Variants in IL1RAPL2 observed in about 807,000 individuals in gnomAD.
The protein encoded by IL1RAPL2 is X-linked interleukin-1 receptor accessory protein-like 2.
Under a neutral mutation model 44.1 loss-of-function variants are expected in IL1RAPL2, and 3 were observed. That is an observed-to-expected ratio of 0.07 (90% CI 0.03 to 0.18). The LOEUF (loss-of-function observed/expected upper bound fraction) is 0.18, where lower values mean the gene tolerates loss of function less well. Among genes scored for constraint, IL1RAPL2 ranks in the 10% least tolerant of loss-of-function variants. IL1RAPL2 has a pLI of 1.00. For synonymous variants in IL1RAPL2, 181 were observed against 178.8 expected (o/e 1.01, Z -0.10); for missense variants, 391 against 496.4 (o/e 0.79, Z 2.02).
intron 2 of IL1RAPL2, among the ~76,000 whole-genome samples, chrX:105,003,433 A>G (rs2030887370): frequency 9.0e-6 from 1 of 111,614 alleles, no homozygotes; most frequent in Non-Finnish European, 1.9e-5. Flanking sequence ...TTGGTTTTAC[A>G]GGTGAACACA....
chrX:105,502,824 C>T (rs2036405272), intron 6 of IL1RAPL2, among the ~76,000 whole-genome samples: 2 of 109,484 alleles, frequency 1.8e-5, no homozygotes, highest in Non-Finnish European at 3.8e-5. Context: ...AGGTCCTATC[C>T]ACCTACACAA....
At chrX:104,871,185 T>C (rs1602771226) in intron 2 of IL1RAPL2, among the ~76,000 whole-genome samples, 1 of 112,058 alleles carries the variant, frequency 8.9e-6, no homozygotes, top group African/African-American at 3.2e-5. Flanking sequence ...CATATAAATC[T>C]CACCAAATCG....
chrX:105,368,944 T>G (rs1400481322), intron 5 of IL1RAPL2, among the ~76,000 whole-genome samples: 1 of 109,065 alleles, frequency 9.2e-6, no homozygotes, highest in African/African-American at 3.3e-5. Context: ...TTCTTCTGCT[T>G]GATCAAGTCT....
At chrX:105,088,194 C>A (rs2032501388) in intron 2 of IL1RAPL2, among the ~76,000 whole-genome samples, 2 of 111,715 alleles carry the variant, frequency 1.8e-5, no homozygotes, top group Admixed American at 1.9e-4. Flanking sequence ...AGAGTCCAAG[C>A]TGAACTGCTG....
chrX:104,715,417 CAAAAA>C (rs57271887), intron 2 of IL1RAPL2, among the ~76,000 whole-genome samples: 1 of 72,387 alleles, frequency 1.4e-5, no homozygotes, highest in South Asian at 8.0e-4. Flanking sequence ...TCTATTTTTT[CAAAAA>C]AAAAAAAAAA....
At chrX:105,638,871 G>A (rs938464540) in intron 6 of IL1RAPL2, among the ~76,000 whole-genome samples, 5 of 111,711 alleles carry the variant, frequency 4.5e-5, no homozygotes, top group African/African-American at 6.5e-5. Flanking sequence ...ATGTTGACCT[G>A]GGTTATATTT....
At chrX:104,940,851 A>G (rs1406920699) in intron 2 of IL1RAPL2, among the ~76,000 whole-genome samples, 1 of 104,358 alleles carries the variant, frequency 9.6e-6, no homozygotes, top group Non-Finnish European at 2.0e-5. Flanking sequence ...TACATTAGGT[A>G]TATCTCCTAA....
chrX:105,685,211 G>A (rs975270352), intron 6 of IL1RAPL2, among the ~76,000 whole-genome samples: 2 of 111,915 alleles, frequency 1.8e-5, no homozygotes. Context: ...TGACTTTGAC[G>A]AGTTGACAGA....
chrX:104,912,977 A>T (rs1157973810), intron 2 of IL1RAPL2, among the ~76,000 whole-genome samples: 1 of 111,644 alleles, frequency 9.0e-6, no homozygotes, highest in Non-Finnish European at 1.9e-5. Flanking sequence ...AATAGTTCTG[A>T]TGCATTATAT....
At chrX:104,675,231 C>CA (rs1398282355) in intron 2 of IL1RAPL2, among the ~76,000 whole-genome samples, 1 of 111,002 alleles carries the variant, frequency 9.0e-6, no homozygotes, top group African/African-American at 3.3e-5. Flanking sequence ...CTCTTGTGGG[C>CA]ATTTAGTGCT....
At position 105,064,154 on chromosome X, in the gene IL1RAPL2, G is replaced by A. The variant is rs148383756; in HGVS notation, c.83-131321G>A. On this transcript the variant is annotated intron_variant, in intron 2 of 10. Transcript: ENST00000372582. ...GGTGATAAGTTACCCCAGGACTCAGGCAGGTCCAGAGATGCTATTTGGGAA... is the reference window on the plus strand; with the variant it reads ...GGTGATAAGTTACCCCAGGACTCAGACAGGTCCAGAGATGCTATTTGGGAA... 3.6e-5 allele frequency among the ~76,000 whole-genome samples: 4 copies of A among 112,333 alleles called. No individual in the cohort carries two copies. The East Asian group carries it at 1.1e-3, about 32-fold the overall frequency.
At chrX:105,028,458 A>G (rs1428214550) in intron 2 of IL1RAPL2, among the ~76,000 whole-genome samples, 2 of 111,557 alleles carry the variant, frequency 1.8e-5, no homozygotes, top group East Asian at 5.7e-4. Flanking sequence ...AAGTATATAC[A>G]CCTACTATGT....
rs748415955 is a variant in IL1RAPL2, at chrX:105,521,633, C to T, written c.772+37246C>T. 7.1e-4 allele frequency among the ~76,000 whole-genome samples: 79 copies of T among 111,793 alleles called. 1 individual carries two copies. The highest frequency in any genetic ancestry group is 4.6e-3 in the Middle Eastern group (1 of 218). Reference sequence around the variant, plus strand: ...AGGTAATTGAATCATGGGGGCTTCCCCCTTTGTTTGGCACTTCTCTCTCCT... The same window carrying T: ...AGGTAATTGAATCATGGGGGCTTCCTCCTTTGTTTGGCACTTCTCTCTCCT... On this transcript the variant is annotated intron_variant, in intron 6 of 10. Coordinates refer to ENST00000372582, the MANE Select transcript of IL1RAPL2 (RefSeq NM_017416.2).
chrX:104,603,689 G>A (rs146302178), intron 1 of IL1RAPL2, among the ~76,000 whole-genome samples: 1 of 111,195 alleles, frequency 9.0e-6, no homozygotes, highest in African/African-American at 3.3e-5. Flanking sequence ...TCGATCAAGC[G>A]GAAGAAAGGA....
At chrX:105,269,994 C>T (rs1484141249) in intron 5 of IL1RAPL2, among the ~76,000 whole-genome samples, 1 of 111,889 alleles carries the variant, frequency 8.9e-6, no homozygotes, top group Non-Finnish European at 1.9e-5. Context: ...CTTGTTTTAA[C>T]TACAGATCTA....
chrX:105,288,076 A>G (rs2752572), intron 5 of IL1RAPL2, among the ~76,000 whole-genome samples: 29,226 of 110,433 alleles, frequency 0.26, 7,573 homozygotes, highest in African/African-American at 0.82. Flanking sequence ...AACTGTGGGG[A>G]AAGCCAAAAA....
intron 6 of IL1RAPL2, among the ~76,000 whole-genome samples, chrX:105,494,452 A>G (rs918873758): frequency 3.6e-5 from 4 of 111,880 alleles, no homozygotes; most frequent in African/African-American, 1.3e-4. Flanking sequence ...TGAGTAAGCT[A>G]TTATCTTGCT....
Position 105,590,375 on chromosome X carries a change from T to C in IL1RAPL2, c.772+105988T>C, listed in dbSNP as rs761148319. ...CTATTTGGATGCATTTTTTTTTGTC[T>C]GATTGCTCTAAATAGGATTTCCAGT... On this transcript the variant is annotated intron_variant, in intron 6 of 10. Coordinates refer to ENST00000372582, the MANE Select transcript of IL1RAPL2 (RefSeq NM_017416.2). 5.4e-5 allele frequency among the ~76,000 whole-genome samples: 6 copies of C among 111,065 alleles called. No individual in the cohort carries two copies. In the South Asian group the frequency reaches 2.3e-3, roughly 42 times the overall value.
chrX:105,191,027 T>G (rs1251075070), intron 2 of IL1RAPL2, among the ~76,000 whole-genome samples: 1 of 112,368 alleles, frequency 8.9e-6, no homozygotes, highest in African/African-American at 3.2e-5. Context: ...ATTGCATAGA[T>G]GCTGGCATGT....
Sources: gnomAD v4.1 joint callset for allele counts (sites outside exome capture counted in the v4.1 genomes callset) on GRCh38, gnomAD v4.1.1 for gene constraint, MANE v1.5 for transcripts, NCBI Gene and HGNC (gene_info 2026-07-23, HGNC 2026-07-21) for gene names.